Variants in ANLN observed in about 807,000 individuals in gnomAD.
ANLN encodes the protein anillin, actin binding protein.
Under a neutral mutation model 135.1 loss-of-function variants are expected in ANLN, and 59 were observed. The observed-to-expected ratio is 0.44, with a 90% CI of 0.35 to 0.54. The LOEUF is 0.54. ANLN is among the 20% of genes least tolerant of loss of function. The pLI, the probability that ANLN is intolerant of heterozygous loss-of-function variation, is 0.00. For synonymous variants in ANLN, 406 were observed against 456.4 expected, an observed-to-expected ratio of 0.89 and a Z score of 1.41; for missense variants, 1,182 against 1,340.0, an observed-to-expected ratio of 0.88 and a Z score of 1.84.
chr7:36,423,792 T>C (rs766054733), intron 14 of ANLN, 25 bp from the exon 15 acceptor site: 1 of 1,595,012 alleles, frequency 6.3e-7, no homozygotes, highest in South Asian at 1.1e-5. Flanking sequence ...TTGTGCTTAC[T>C]ATGTAATATG....
intron 1 of ANLN, 85 bp downstream of exon 1, chr7:36,390,129 C>G: frequency 6.2e-7 from 1 of 1,600,906 alleles, no homozygotes; most frequent in Non-Finnish European, 8.5e-7. Context: ...TGGGCGAACC[C>G]CCACCGGGCG....
In ANLN at chr7:36,422,673, G is replaced by A. The variant is rs748459470; in HGVS notation, c.2340G>A (p.Leu780=). 1.2e-6 allele frequency: 2 copies of A among 1,610,948 alleles called. No individual in the cohort carries two copies. The highest frequency in any genetic ancestry group is 2.7e-5 in the African/African-American group (2 of 74,740). Residue 780 remains leucine, a synonymous_variant, in exon 14 of 24, where the codon TTG becomes TTA. Coordinates refer to ENST00000265748, the MANE Select transcript of ANLN (RefSeq NM_018685.5). ...RTLLIDELNK[L]KNEGPQRKNK... is the part of the protein sequence containing the mutation. ...TTTTGATTGATGAATTGAATAAATTGAAGAACGAAGGACCTCAGAGGAAGA... is the reference window on the plus strand; with the variant it reads ...TTTTGATTGATGAATTGAATAAATTAAAGAACGAAGGACCTCAGAGGAAGA...
chr7:36,409,219 C>T (rs1418375957), intron 5 of ANLN, among the ~76,000 whole-genome samples: 1 of 152,170 alleles, frequency 6.6e-6, no homozygotes, highest in Non-Finnish European at 1.5e-5. Context: ...AATCACATTT[C>T]CAGGGTTTCA....
intron 22 of ANLN, 74 bp downstream of exon 22, chr7:36,443,936 C>G (rs1234546888): frequency 4.9e-6 from 5 of 1,015,846 alleles, no homozygotes; most frequent in Non-Finnish European, 5.8e-6. Flanking sequence ...AATGTTCCCT[C>G]TGGCCCCCAT....
At chr7:36,398,358 A>C (rs1377836151) in intron 2 of ANLN, among the ~76,000 whole-genome samples, 1 of 152,162 alleles carries the variant, frequency 6.6e-6, no homozygotes, top group Admixed American at 6.5e-5. Context: ...CATGCTTATT[A>C]GTTATTTTCC....
At chr7:36,429,778 T>C (rs538620072) in intron 20 of ANLN, among the ~76,000 whole-genome samples, 1 of 152,348 alleles carries the variant, frequency 6.6e-6, no homozygotes, top group East Asian at 1.9e-4. Context: ...ATATCTTAAA[T>C]ATAGACTGTT....
At chr7:36,424,183 T>C (rs532683886) in intron 15 of ANLN, among the ~76,000 whole-genome samples, 1 of 152,286 alleles carries the variant, frequency 6.6e-6, no homozygotes, top group South Asian at 2.1e-4. Flanking sequence ...AAATGATATA[T>C]ACATTAAACC....
Position 36,419,420 on chromosome 7 carries a change from A to G in ANLN, c.1810A>G (p.Ile604Val). Residue 604 changes from isoleucine (I) to valine (V), a missense_variant, in exon 10 of 24, where the codon ATC (isoleucine) becomes GTC (valine). Physicochemically the swap from Ile to Val is conservative, Grantham distance 29. Coordinates refer to ENST00000265748, the MANE Select transcript of ANLN (RefSeq NM_018685.5). ...CGAAGAACAGGAAGATGCACTGAAT[A>G]TCTCCTCAATGTCTTTACTTGCACC... ...SSEEQEDALN[I>V]SSMSLLAPLA... The G allele has an allele frequency of 6.2e-7, 1 of 1,614,174 alleles. No homozygotes were observed. Among genetic ancestry groups the G allele is most frequent in the Non-Finnish European group, 8.5e-7 (1 of 1,180,020 alleles).
chr7:36,436,782 C>G (rs1000065839), intron 20 of ANLN, among the ~76,000 whole-genome samples: 1 of 152,146 alleles, frequency 6.6e-6, no homozygotes, highest in African/African-American at 2.4e-5. Context: ...AATGTCTATT[C>G]AAGTCCTTTG....
Position 36,415,623 on chromosome 7 carries a change from A to G in ANLN, c.1396-135A>G, listed in dbSNP as rs1017008620. 6 of 981,642 alleles carry G rather than the reference A, an allele frequency of 6.1e-6. No individual in the cohort carries two copies. In the African/African-American group the frequency reaches 1.0e-4, roughly 16 times the overall value. 60.8% of individuals were successfully genotyped at this position (981,642 alleles called of 1,614,324 possible). The stretch of plus-strand genomic sequence containing the variant: ...TCTGAACAAGGCTGGGCCTATTCAC[A>G]TACACTATCTCTTTGGTTCTAAGGA... On this transcript the variant is annotated intron_variant, in intron 7 of 23. Transcript: ENST00000265748.
At position 36,432,666 on chromosome 7, in the gene ANLN, C is replaced by T. The variant is rs80270248; in HGVS notation, c.2883+5638C>T. ...TTTGTTATTTGTTTTCTATTTGTTT[C>T]GTCTGTTCTTTACTGCTTTGTTTTC... On this transcript the variant is annotated intron_variant, in intron 20 of 23. Transcript: ENST00000265748. Among the ~76,000 whole-genome samples the T allele has an allele frequency of 2.6e-3, 399 of 152,222 alleles. 2 individuals are homozygous for T. Among genetic ancestry groups the T allele is most frequent in the African/African-American group, 7.7e-3 (321 of 41,536 alleles).
At chr7:36,419,620 G>T (rs1040240806) in intron 10 of ANLN, 141 bp downstream of exon 10, 4 of 669,336 alleles carry the variant, frequency 6.0e-6, no homozygotes, top group Non-Finnish European at 1.0e-5. Flanking sequence ...TCTCTTAAAA[G>T]AAACCTTAAA....
At chr7:36,437,097 C>G (rs1788578381) in intron 20 of ANLN, among the ~76,000 whole-genome samples, 1 of 152,178 alleles carries the variant, frequency 6.6e-6, no homozygotes, top group South Asian at 2.1e-4. Context: ...GAATTTTCTT[C>G]ATTTTGCATG....
intron 2 of ANLN, among the ~76,000 whole-genome samples, chr7:36,397,780 G>A (rs937082511): frequency 9.2e-5 from 14 of 152,038 alleles, no homozygotes; most frequent in Non-Finnish European, 1.9e-4. Flanking sequence ...GGGCATGGTG[G>A]CACATCTGTA....
At chr7:36,414,157 G>A (rs197369) in intron 7 of ANLN, among the ~76,000 whole-genome samples, 148,676 of 152,274 alleles carry the variant, frequency 0.98, 72,684 homozygotes, top group East Asian at 1. Context: ...GAAGAGGTGA[G>A]GGTGGCGTGC....
At chr7:36,391,083 G>C (rs1313133876) in intron 1 of ANLN, among the ~76,000 whole-genome samples, 1 of 152,190 alleles carries the variant, frequency 6.6e-6, no homozygotes, top group East Asian at 1.9e-4. Context: ...AGCAATTAGA[G>C]TTTACTTATA....
chr7:36,404,166 C>T lies in ANLN; in HGVS notation c.488-2015C>T, dbSNP rs1179173986. On this transcript the variant is annotated intron_variant, in intron 3 of 23. Transcript: ENST00000265748. ...TTGTATTTTAGTAGAGACAGGGTTT[C>T]ACCATGTCACTTAGGCTGGTCTCGA... Among the ~76,000 whole-genome samples the T allele has an allele frequency of 3.3e-5, 5 of 151,678 alleles. No homozygotes were observed. In the East Asian group the frequency reaches 9.7e-4, roughly 29 times the overall value.
At chr7:36,407,062 A>G (rs952770180) in intron 4 of ANLN, among the ~76,000 whole-genome samples, 2 of 152,202 alleles carry the variant, frequency 1.3e-5, no homozygotes, top group African/African-American at 4.8e-5. Flanking sequence ...TGTTACCTCA[A>G]CAGTTTTCAA....
At chr7:36,451,708 A>G (rs1326518721) in intron 23 of ANLN, among the ~76,000 whole-genome samples, 1 of 152,146 alleles carries the variant, frequency 6.6e-6, no homozygotes, top group Non-Finnish European at 1.5e-5. Context: ...TCATGTTTAC[A>G]CCATTTCTAG....
Sources: gnomAD v4.1 joint callset for allele counts (sites outside exome capture counted in the v4.1 genomes callset) on GRCh38, gnomAD v4.1.1 for gene constraint, MANE v1.5 for transcripts, NCBI Gene and HGNC (gene_info 2026-07-23, HGNC 2026-07-21) for gene names.